The following TRPM3 variants were observed in gnomAD, a reference collection of about 807,000 sequenced individuals.
TRPM3 encodes the protein transient receptor potential cation channel subfamily M member 3.
In TRPM3, 77 loss-of-function variants were observed where a neutral mutation model predicts 181.2. That is an observed-to-expected ratio of 0.42 (90% CI 0.35 to 0.51). The LOEUF (loss-of-function observed/expected upper bound fraction) is 0.51, where lower values mean the gene tolerates loss of function less well. Ranked by LOEUF, TRPM3 falls within the 20% of genes least tolerant of loss-of-function variation. The pLI, the probability that TRPM3 is intolerant of heterozygous loss-of-function variation, is 0.01. For synonymous variants in TRPM3, 745 were observed against 796.4 expected, an observed-to-expected ratio of 0.94 and a Z score of 1.09; for missense variants, 1,759 against 2,196.7, an observed-to-expected ratio of 0.80 and a Z score of 3.98.
chr9:70,847,102 C>A (rs2094995409), intron 3 of TRPM3, among the ~76,000 whole-genome samples: 1 of 151,958 alleles, frequency 6.6e-6, no homozygotes, highest in South Asian at 2.1e-4. Flanking sequence ...CAACTGCATA[C>A]CAAATGTAAT....
chr9:71,179,952 T>TGCTTAGTTGAAACTACCATGTTGGAAACC (rs1215412360), intron 1 of TRPM3, among the ~76,000 whole-genome samples: 1 of 152,016 alleles, frequency 6.6e-6, no homozygotes, highest in Non-Finnish European at 1.5e-5. Flanking sequence ...TGGAGGAAAC[T>TGCTTAGTTGAAACTACCATGTTGGAAACC]GCTTAGTTGA....
intron 1 of TRPM3, among the ~76,000 whole-genome samples, chr9:70,896,233 A>C (rs1018831525): frequency 1.3e-5 from 2 of 152,194 alleles, no homozygotes; most frequent in East Asian, 1.9e-4. Context: ...ACAGTGGCAG[A>C]ACAGCTCAAA....
intron 1 of TRPM3, among the ~76,000 whole-genome samples, chr9:71,183,299 T>C (rs1365273371): frequency 1.3e-5 from 2 of 152,122 alleles, no homozygotes; most frequent in African/African-American, 4.8e-5. Flanking sequence ...TCCTGCCAAG[T>C]TCTCTAAGGA....
chr9:70,552,651 A>G (rs1390669057), intron 24 of TRPM3, among the ~76,000 whole-genome samples, 193 bp downstream of exon 24: 5 of 152,146 alleles, frequency 3.3e-5, no homozygotes, highest in Non-Finnish European at 7.4e-5. Context: ...TTCAGCCTCT[A>G]CCATCTTCTT....
chr9:70,753,158 T>A (rs900960543), intron 8 of TRPM3, among the ~76,000 whole-genome samples: 2 of 152,020 alleles, frequency 1.3e-5, no homozygotes, highest in African/African-American at 4.8e-5. Flanking sequence ...TGAAATAGCC[T>A]AATGACACAT....
intron 1 of TRPM3, among the ~76,000 whole-genome samples, chr9:71,381,911 G>C (rs546943412): frequency 6.6e-6 from 1 of 152,022 alleles, no homozygotes; most frequent in African/African-American, 2.4e-5. Context: ...TTAATTCTAC[G>C]GTTTTTGAGC....
chr9:70,969,781 C>CAT (rs1564870311), intron 1 of TRPM3, among the ~76,000 whole-genome samples: 10 of 99,320 alleles, frequency 1.0e-4, no homozygotes, highest in Non-Finnish European at 1.6e-4. Context: ...TATATATATA[C>CAT]ACACACACAC....
At position 70,763,131 on chromosome 9, in the gene TRPM3, A is replaced by G. The variant is rs141925736; in HGVS notation, c.1149-1407T>C. Among the ~76,000 whole-genome samples, 5 of 152,156 alleles carry G rather than the reference A, an allele frequency of 3.3e-5. No individual in the cohort carries two copies. The East Asian group carries it at 9.7e-4, about 29-fold the overall frequency. ...CATTCCTCATGACAGGACTATACCA[A>G]CGATCCTGGAAGGTCACTCAGCTGG... On this transcript the variant is annotated intron_variant, in intron 7 of 25. Transcript: ENST00000677713.
chr9:71,014,856 G>T (rs1213690243), intron 1 of TRPM3, among the ~76,000 whole-genome samples: 1 of 151,896 alleles, frequency 6.6e-6, no homozygotes, highest in Non-Finnish European at 1.5e-5. Context: ...TATATGTTTT[G>T]TCTCAACTTT....
chr9:71,235,574 G>A (rs868208987), intron 1 of TRPM3, among the ~76,000 whole-genome samples: 44 of 152,302 alleles, frequency 2.9e-4, no homozygotes, highest in African/African-American at 1.0e-3. Flanking sequence ...TAGTGTCTAT[G>A]TTTTATGAGC....
chr9:71,407,054 G>C (rs181826138), intron 1 of TRPM3, among the ~76,000 whole-genome samples: 74 of 152,274 alleles, frequency 4.9e-4, no homozygotes, highest in African/African-American at 1.6e-3. Context: ...TCTCCTAGAT[G>C]GTTTTATGTT....
Position 71,156,733 on chromosome 9 carries a change from G to C in TRPM3, c.183+289920C>G, listed in dbSNP as rs186204850. Among the ~76,000 whole-genome samples, 259 of 152,148 alleles carry C rather than the reference G, an allele frequency of 1.7e-3. 1 individual carries two copies. The highest frequency in any genetic ancestry group is 4.2e-4 in the South Asian group (2 of 4,806). Reference sequence around the variant, plus strand: ...TAAACATTCTTTAAGGTTCTTAAGAGATATGTAGACTTATTTTTAATACAT... The same window carrying C: ...TAAACATTCTTTAAGGTTCTTAAGACATATGTAGACTTATTTTTAATACAT... On this transcript the variant is annotated intron_variant, in intron 1 of 24. Transcript: ENST00000357533.
intron 1 of TRPM3, among the ~76,000 whole-genome samples, chr9:71,011,463 TAA>T (rs1417986557): frequency 1.3e-5 from 2 of 152,056 alleles, no homozygotes; most frequent in African/African-American, 4.8e-5. Context: ...ATAAAATAAA[TAA>T]AAGAGACTAC....
chr9:70,608,226 C>T (rs2061498450), intron 19 of TRPM3, among the ~76,000 whole-genome samples: 1 of 152,196 alleles, frequency 6.6e-6, no homozygotes, highest in Non-Finnish European at 1.5e-5. Context: ...GGAAGACTGC[C>T]CAATTCACGA....
chr9:71,299,947 A>G (rs1222465586), intron 1 of TRPM3, among the ~76,000 whole-genome samples: 1 of 152,144 alleles, frequency 6.6e-6, no homozygotes, highest in Non-Finnish European at 1.5e-5. Context: ...GGGGACATTT[A>G]ATAGTGGAGG....
chr9:71,167,495 T>A (rs2076597467), intron 1 of TRPM3, among the ~76,000 whole-genome samples: 1 of 152,138 alleles, frequency 6.6e-6, no homozygotes, highest in Non-Finnish European at 1.5e-5. Context: ...AAAACACACT[T>A]CTTTCTCCCA....
chr9:71,093,797 T>C (rs1345257912), intron 1 of TRPM3, among the ~76,000 whole-genome samples: 3 of 152,130 alleles, frequency 2.0e-5, no homozygotes, highest in Non-Finnish European at 2.9e-5. Flanking sequence ...CATATGTTTG[T>C]TGCAGCACTA....
chr9:71,349,955 C>G (rs898670268), intron 1 of TRPM3, among the ~76,000 whole-genome samples: 5 of 144,936 alleles, frequency 3.4e-5, no homozygotes, highest in Non-Finnish European at 6.0e-5. Context: ...TAATAATGAT[C>G]TCATTGTAAG....
intron 1 of TRPM3, among the ~76,000 whole-genome samples, chr9:71,362,457 G>T (rs997327293): frequency 6.6e-6 from 1 of 152,098 alleles, no homozygotes; most frequent in South Asian, 2.1e-4. Flanking sequence ...CTGCTTTCTT[G>T]ACTATTTCCC....
Sources: gnomAD v4.1 joint callset for allele counts (sites outside exome capture counted in the v4.1 genomes callset) on GRCh38, gnomAD v4.1.1 for gene constraint, MANE v1.5 for transcripts, NCBI Gene and HGNC (gene_info 2026-07-23, HGNC 2026-07-21) for gene names.